Variants in KIF9 observed in about 807,000 individuals in gnomAD.
KIF9 encodes the protein kinesin-like protein KIF9.
KIF9 carries 68 observed loss-of-function variants against 94.8 expected under a neutral mutation model. The observed-to-expected ratio is 0.72, with a 90% CI of 0.59 to 0.88. KIF9 has a LOEUF of 0.88. Among genes scored for constraint, KIF9 ranks in the 40% least tolerant of loss-of-function variants. The probability of loss-of-function intolerance (pLI) is 0.00; values close to 1 mark genes in which losing one functional copy is unlikely to be tolerated. For missense variants in KIF9, 882 were observed against 982.5 expected (o/e 0.90, Z 1.37); for synonymous variants, 343 against 362.1 (o/e 0.95, Z 0.60).
chr3:47,235,930 G>A, intron 19 of KIF9, 104 bp downstream of exon 19: 2 of 861,370 alleles, frequency 2.3e-6, no homozygotes, highest in South Asian at 3.0e-5. Context: ...GAGGCTGGGA[G>A]CACCACACAC....
chr3:47,245,326 C>T (rs1239823361), intron 14 of KIF9, 95 bp downstream of exon 14: 5 of 936,462 alleles, frequency 5.3e-6, no homozygotes, highest in Non-Finnish European at 8.8e-6. Context: ...GCAATCCTAG[C>T]TCTGGTTTAA....
At chr3:47,263,899 C>G (rs888929426) in intron 9 of KIF9, 18 of 458,844 alleles carry the variant, frequency 3.9e-5, no homozygotes, top group Middle Eastern at 3.2e-4. Flanking sequence ...AGCCTGGAAC[C>G]CTGTGGGGTT....
intron 9 of KIF9, among the ~76,000 whole-genome samples, chr3:47,260,530 C>T (rs1700900654): frequency 6.6e-6 from 1 of 152,208 alleles, no homozygotes; most frequent in South Asian, 2.1e-4. Flanking sequence ...TATGATAGGG[C>T]CAACCCTTCC....
At chr3:47,277,957 TCCTAAAA>T (rs1297322467) in intron 1 of KIF9, among the ~76,000 whole-genome samples, 1 of 152,144 alleles carries the variant, frequency 6.6e-6, no homozygotes, top group Non-Finnish European at 1.5e-5. Context: ...CCTCTTGCTC[TCCTAAAA>T]CCTAACTATA....
In KIF9 at chr3:47,282,631, G is replaced by A. The variant is rs1702472141; in HGVS notation, c.-142C>T. On this transcript the variant is annotated 5_prime_UTR_variant, in exon 1 of 21. Coordinates refer to ENST00000684063, the MANE Select transcript of KIF9 (RefSeq NM_182902.4). ...TTCCGGGGATTCCGGAAGTGTCGGG[G>A]TGGCGGAAATGAAGTCCGAGGTCCT... 1.7e-6 allele frequency: 2 copies of A among 1,147,512 alleles called. No individual in the cohort carries two copies. Among genetic ancestry groups the A allele is most frequent in the Non-Finnish European group, 2.2e-6 (2 of 927,136 alleles). The allele number at this position is 1,147,512 out of a possible 1,614,324, so 71.1% of individuals were successfully genotyped here.
Position 47,247,970 on chromosome 3 carries a change from C to G in KIF9, c.1128+48G>C, listed in dbSNP as rs1173936877. On this transcript the variant is annotated intron_variant, in intron 11 of 20. Coordinates refer to ENST00000684063, the MANE Select transcript of KIF9 (RefSeq NM_182902.4). Reference sequence around the variant, plus strand: ...CCCTAGCCCCAGTCCCTCTAGTCACCCCCTACCCCAGCACCTCTGCCCTCC... The same window carrying G: ...CCCTAGCCCCAGTCCCTCTAGTCACGCCCTACCCCAGCACCTCTGCCCTCC... 11 of 1,444,720 alleles carry G rather than the reference C, an allele frequency of 7.6e-6. No homozygotes were observed. The South Asian group carries it at 9.1e-5, about 12-fold the overall frequency. The allele number at this position is 1,444,720 out of a possible 1,614,324, so 89.5% of individuals were successfully genotyped here.
intron 5 of KIF9, among the ~76,000 whole-genome samples, chr3:47,268,581 CTTCT>C (rs1418523680): frequency 3.3e-5 from 5 of 149,588 alleles, no homozygotes; most frequent in Admixed American, 6.7e-5. Flanking sequence ...CATTTTTCTT[CTTCT>C]TTTTTTTTTT....
At chr3:47,229,877 G>A (rs897671935) in intron 20 of KIF9, among the ~76,000 whole-genome samples, 2 of 151,858 alleles carry the variant, frequency 1.3e-5, no homozygotes, top group Non-Finnish European at 2.9e-5. Context: ...GTGATTACAC[G>A]TGTGCACCAC....
At chr3:47,262,274 GT>G (rs549931720) in intron 9 of KIF9, among the ~76,000 whole-genome samples, 23 of 143,776 alleles carry the variant, frequency 1.6e-4, no homozygotes, top group South Asian at 8.9e-4. Context: ...GGGTTTTTTT[GT>G]TTTTTTTTTT....
At chr3:47,281,785 T>C (rs1702379800) in intron 1 of KIF9, among the ~76,000 whole-genome samples, 1 of 152,172 alleles carries the variant, frequency 6.6e-6, no homozygotes, top group Non-Finnish European at 1.5e-5. Context: ...GGTTTCCTCA[T>C]TTGTCTTTAG....
At chr3:47,266,929 A>G in intron 7 of KIF9, 47 bp downstream of exon 7, 4 of 1,373,484 alleles carry the variant, frequency 2.9e-6, no homozygotes, top group Non-Finnish European at 4.2e-6. Flanking sequence ...TGCCAGAAAA[A>G]GGGCTTGTGG....
In KIF9 at chr3:47,271,384, G is replaced by C. The variant is rs752910722; in HGVS notation, c.444C>G (p.Ser148Arg). 6.2e-7 allele frequency: 1 copy of C among 1,613,818 alleles called. No individual in the cohort carries two copies. The highest frequency in any genetic ancestry group is 1.3e-5 in the African/African-American group (1 of 74,846). The change falls in exon 5 of 21, where the codon AGC becomes AGG. Residue 148 changes from serine to arginine, a missense_variant. Coordinates refer to ENST00000684063, the MANE Select transcript of KIF9 (RefSeq NM_182902.4). ...RVSYLEIYNE[S>R]LFDLLSTLPY... ...GCAGAGTGGACAGGAGATCAAACAG[G>C]CTCTCATTATAGATTTCCAAGTAGG...
At chr3:47,267,154 G>C in intron 6 of KIF9, 26 bp downstream of exon 6, 1 of 1,604,782 alleles carries the variant, frequency 6.2e-7, no homozygotes. Context: ...TGCCCCGCCT[G>C]GGCTGATCAA....
In KIF9 at chr3:47,235,519, C is replaced by T; in HGVS notation, c.2316G>A (p.Glu772=). 6.2e-7 allele frequency: 1 copy of T among 1,611,936 alleles called. No homozygotes were observed. The change falls in exon 20 of 21, where the codon GAG becomes GAA. Residue 772 remains glutamate, a synonymous_variant. Transcript: ENST00000684063. ...ACATAGGCCTCTGAGTTACCTTCTG[C>T]TCTATCTTGACTTTGGCATTGTAGA... ...ISFYNAKVKI[E]QKHNYLKTMM...
intron 1 of KIF9, chr3:47,280,935 T>A: frequency 1.4e-6 from 1 of 703,104 alleles, no homozygotes; most frequent in Middle Eastern, 2.3e-4. Flanking sequence ...AGGGACCCCA[T>A]GCCATCTTGC....
At chr3:47,265,966 T>TA in intron 7 of KIF9, 89 bp from the exon 8 acceptor site, 1 of 1,464,384 alleles carries the variant, frequency 6.8e-7, no homozygotes, top group Non-Finnish European at 9.5e-7. Context: ...AGAAATGCTA[T>TA]AAGTCTGTGG....
intron 16 of KIF9, among the ~76,000 whole-genome samples, chr3:47,241,857 T>TAC: frequency 8.9e-6 from 1 of 111,846 alleles, no homozygotes; most frequent in Non-Finnish European, 1.8e-5. Flanking sequence ...TATATATATA[T>TAC]ATATACACAT....
intron 10 of KIF9, among the ~76,000 whole-genome samples, chr3:47,248,707 T>C (rs1017124521): frequency 6.6e-6 from 1 of 152,036 alleles, no homozygotes; most frequent in Non-Finnish European, 1.5e-5. Context: ...CCTCTCACAG[T>C]GCTAGGATTA....
At chr3:47,243,823 C>T (rs1022644286) in intron 15 of KIF9, 1 of 152,334 alleles carries the variant, frequency 6.6e-6, no homozygotes, top group Non-Finnish European at 1.5e-5. Context: ...ATGCCCATGG[C>T]TCTTCCCAAA....
Sources: allele counts gnomAD v4.1 joint callset (sites outside exome capture counted in the v4.1 genomes callset), GRCh38; gene constraint gnomAD v4.1.1; transcripts MANE v1.5; gene names NCBI Gene and HGNC (gene_info 2026-07-23, HGNC 2026-07-21).